Variants in PRKCE observed in about 807,000 individuals in gnomAD.
PRKCE encodes protein kinase C epsilon, also known as protein kinase C epsilon type.
Under a neutral mutation model 85.4 loss-of-function variants are expected in PRKCE, and 16 were observed. The ratio of observed to expected loss-of-function variants is 0.19; its 90% CI spans 0.13 to 0.28. The LOEUF is 0.28. Ranked by LOEUF, PRKCE falls within the 10% of genes least tolerant of loss-of-function variation. PRKCE has a pLI of 1.00. For missense variants in PRKCE, 573 were observed against 975.2 expected (o/e 0.59, Z 5.49); for synonymous variants, 388 against 371.5 (o/e 1.04, Z -0.51).
chr2:46,131,276 C>A (rs1574552155), intron 11 of PRKCE, among the ~76,000 whole-genome samples: 1 of 152,204 alleles, frequency 6.6e-6, no homozygotes, highest in Non-Finnish European at 1.5e-5. Flanking sequence ...GAACTCTAGA[C>A]TCTTCCTGCC....
At chr2:45,995,174 A>G (rs762937973) in intron 6 of PRKCE, among the ~76,000 whole-genome samples, 11 of 152,052 alleles carry the variant, frequency 7.2e-5, no homozygotes, top group Non-Finnish European at 1.5e-4. Context: ...CCTATATTGG[A>G]TAATATAGGC....
At chr2:45,920,995 C>G (rs779346008) in intron 2 of PRKCE, among the ~76,000 whole-genome samples, 1 of 152,236 alleles carries the variant, frequency 6.6e-6, no homozygotes, top group Non-Finnish European at 1.5e-5. Context: ...CTCAGCTCAT[C>G]CCTACATCGG....
At chr2:45,879,034 A>G (rs1694686732) in intron 2 of PRKCE, among the ~76,000 whole-genome samples, 2 of 152,202 alleles carry the variant, frequency 1.3e-5, no homozygotes, top group Admixed American at 6.5e-5. Flanking sequence ...CAAGCCTGGA[A>G]CTACGGCAAA....
intron 10 of PRKCE, among the ~76,000 whole-genome samples, chr2:46,076,256 A>T (rs1337623904): frequency 6.6e-6 from 1 of 152,122 alleles, no homozygotes; most frequent in Non-Finnish European, 1.5e-5. Context: ...CATTAACGAG[A>T]TGTAGCCTAG....
At chr2:46,149,722 T>C (rs1019074054) in intron 12 of PRKCE, among the ~76,000 whole-genome samples, 2 of 12,696 alleles carry the variant, frequency 1.6e-4, no homozygotes, top group Non-Finnish European at 1.1e-3. Flanking sequence ...TTTTTATATA[T>C]ATGTATTTAT....
intron 11 of PRKCE, among the ~76,000 whole-genome samples, chr2:46,119,951 G>A (rs764628213): frequency 2.0e-4 from 30 of 152,144 alleles, no homozygotes; most frequent in Admixed American, 5.9e-4. Flanking sequence ...TTTAGTTGGC[G>A]GGTACCCTGG....
chr2:46,064,509 TA>T (rs1336599096), intron 10 of PRKCE, among the ~76,000 whole-genome samples: 1 of 152,200 alleles, frequency 6.6e-6, no homozygotes, highest in Non-Finnish European at 1.5e-5. Flanking sequence ...GTCTTGGCAA[TA>T]ACTGCTTAAA....
At chr2:45,942,530 G>T (rs1699958775) in intron 2 of PRKCE, among the ~76,000 whole-genome samples, 1 of 152,190 alleles carries the variant, frequency 6.6e-6, no homozygotes, top group Non-Finnish European at 1.5e-5. Context: ...TGATGTGAAA[G>T]GTCCCTGTGG....
intron 2 of PRKCE, among the ~76,000 whole-genome samples, chr2:45,944,520 G>A (rs1573973128): frequency 3.3e-5 from 5 of 152,184 alleles, no homozygotes; most frequent in South Asian, 2.1e-4. Flanking sequence ...ACAGGGTCTT[G>A]CTCTGTCGCC....
At chr2:45,662,103 G>T (rs969578874) in intron 1 of PRKCE, among the ~76,000 whole-genome samples, 8 of 152,116 alleles carry the variant, frequency 5.3e-5, no homozygotes, top group African/African-American at 9.7e-5. Flanking sequence ...CTGAGTCTGT[G>T]CTCTTAGAAG....
intron 1 of PRKCE, among the ~76,000 whole-genome samples, chr2:45,707,821 A>G (rs1679241134): frequency 6.6e-6 from 1 of 152,220 alleles, no homozygotes; most frequent in African/African-American, 2.4e-5. Flanking sequence ...GCATGGAAGG[A>G]GCGATGGCTC....
chr2:45,970,928 C>CAT (rs1464133958), intron 2 of PRKCE, among the ~76,000 whole-genome samples: 1 of 150,702 alleles, frequency 6.6e-6, no homozygotes, highest in Non-Finnish European at 1.5e-5. Flanking sequence ...TATACATACA[C>CAT]ATATACATAC....
At chr2:46,119,032 T>A (rs1370797223) in intron 11 of PRKCE, among the ~76,000 whole-genome samples, 2 of 152,180 alleles carry the variant, frequency 1.3e-5, no homozygotes, top group Non-Finnish European at 2.9e-5. Flanking sequence ...AAATGGCCCA[T>A]GGAAGTTTTC....
intron 1 of PRKCE, among the ~76,000 whole-genome samples, chr2:45,738,468 C>T (rs2104615972): frequency 6.6e-6 from 1 of 152,336 alleles, no homozygotes; most frequent in East Asian, 1.9e-4. Context: ...TTTGAAATCC[C>T]ACTGTTTTCA....
At chr2:45,963,264 A>T (rs1701500520) in intron 2 of PRKCE, among the ~76,000 whole-genome samples, 1 of 152,150 alleles carries the variant, frequency 6.6e-6, no homozygotes, top group Non-Finnish European at 1.5e-5. Context: ...CATTTAGGTA[A>T]TTACCAGCTC....
At chr2:45,665,435 T>C (rs891139431) in intron 1 of PRKCE, among the ~76,000 whole-genome samples, 1 of 152,222 alleles carries the variant, frequency 6.6e-6, no homozygotes, top group African/African-American at 2.4e-5. Context: ...CTGTGAGGAT[T>C]AAATAAGATA....
intron 1 of PRKCE, among the ~76,000 whole-genome samples, chr2:45,734,105 G>A (rs964278910): frequency 2.6e-5 from 4 of 152,150 alleles, no homozygotes; most frequent in Non-Finnish European, 4.4e-5. Flanking sequence ...GGTGGCTCAC[G>A]CCTGTAATCC....
intron 1 of PRKCE, among the ~76,000 whole-genome samples, chr2:45,750,838 C>T (rs1683499754): frequency 6.6e-6 from 1 of 152,018 alleles, no homozygotes; most frequent in African/African-American, 2.4e-5. Context: ...TTGACCAGGC[C>T]CCACACCATT....
chr2:45,880,891 C>T (rs959524526), intron 2 of PRKCE, among the ~76,000 whole-genome samples: 6 of 152,090 alleles, frequency 3.9e-5, no homozygotes, highest in South Asian at 2.1e-4. Flanking sequence ...CGGTGGCTCA[C>T]GCCTGTAATC....
Sources: gnomAD v4.1 joint callset for allele counts (sites outside exome capture counted in the v4.1 genomes callset) on GRCh38, gnomAD v4.1.1 for gene constraint, MANE v1.5 for transcripts, NCBI Gene and HGNC (gene_info 2026-07-23, HGNC 2026-07-21) for gene names.